DCP1B: variants seen among roughly 807,000 people sequenced by gnomAD.
The protein encoded by DCP1B is mRNA-decapping enzyme 1B.
DCP1B carries 47 observed loss-of-function variants against 60.5 expected under a neutral mutation model. The observed-to-expected ratio is 0.78, with a 90% CI of 0.61 to 0.99. The LOEUF (loss-of-function observed/expected upper bound fraction) is 0.99. DCP1B is among the 50% of genes least tolerant of loss of function. The pLI, the probability that DCP1B is intolerant of heterozygous loss-of-function variation, is 0.00. For missense variants in DCP1B, 725 were observed against 756.8 expected, an observed-to-expected ratio of 0.96 and a Z score of 0.49; for synonymous variants, 267 against 280.3, an observed-to-expected ratio of 0.95 and a Z score of 0.47.
chr12:1,972,816 G>T (rs1477062855), intron 3 of DCP1B, among the ~76,000 whole-genome samples: 2 of 152,082 alleles, frequency 1.3e-5, no homozygotes, highest in African/African-American at 4.8e-5. Context: ...AAGGGAGGGG[G>T]GAGATCAGTG....
At position 1,952,540 on chromosome 12, in the gene DCP1B, G is replaced by A; in HGVS notation, c.1400C>T (p.Ala467Val). Reference sequence around the variant, plus strand: ...AGCGGCCAAGGCTGGCCGGTTAGAGGCATGCAGCTGCTGCTCCTGCTGTAC... The same window carrying A: ...AGCGGCCAAGGCTGGCCGGTTAGAGACATGCAGCTGCTGCTCCTGCTGTAC... Reference protein sequence around the residue: ...QIVQQEQQLHASNRPALAAKF... With the variant: ...QIVQQEQQLHVSNRPALAAKF... Residue 467 changes from alanine to valine, a missense_variant, in exon 7 of 9, where the codon GCC becomes GTC. Ala to Val is a moderately conservative substitution (Grantham distance 64). Coordinates refer to ENST00000280665, the MANE Select transcript of DCP1B (RefSeq NM_152640.5). The A allele has an allele frequency of 6.2e-7, 1 of 1,614,208 alleles. No individual in the cohort carries two copies. Among genetic ancestry groups the A allele is most frequent in the Non-Finnish European group, 8.5e-7 (1 of 1,180,044 alleles).
chr12:1,957,142 T>C (rs1235699347), intron 5 of DCP1B, among the ~76,000 whole-genome samples: 1 of 152,208 alleles, frequency 6.6e-6, no homozygotes, highest in Non-Finnish European at 1.5e-5. Flanking sequence ...GTTGTTTAAT[T>C]TTGTATGCTT....
At chr12:1,960,767 C>T (rs2031093236) in intron 5 of DCP1B, among the ~76,000 whole-genome samples, 1 of 152,178 alleles carries the variant, frequency 6.6e-6, no homozygotes, top group Non-Finnish European at 1.5e-5. Context: ...TTATCCAACA[C>T]AAGCCAAATT....
chr12:1,987,263 T>C (rs769024788), intron 3 of DCP1B, among the ~76,000 whole-genome samples: 13 of 152,352 alleles, frequency 8.5e-5, no homozygotes, highest in Middle Eastern at 3.4e-3. Context: ...CATATGCTAG[T>C]GCTGTATTTC....
chr12:1,982,634 G>T (rs1168470960), intron 3 of DCP1B, among the ~76,000 whole-genome samples: 1 of 152,014 alleles, frequency 6.6e-6, no homozygotes, highest in African/African-American at 2.4e-5. Context: ...GGATGTTTGG[G>T]TTATTCCCAC....
intron 3 of DCP1B, among the ~76,000 whole-genome samples, chr12:1,970,159 G>A (rs4765868): frequency 6.6e-6 from 1 of 151,954 alleles, no homozygotes; most frequent in Non-Finnish European, 1.5e-5. Flanking sequence ...CAGTTTGACA[G>A]TGTCATCACC....
chr12:1,961,534 T>C (rs1360389245), intron 5 of DCP1B: 1 of 152,262 alleles, frequency 6.6e-6, no homozygotes, highest in Non-Finnish European at 1.5e-5. Flanking sequence ...GCACTTCATG[T>C]CAACATTATA....
intron 6 of DCP1B, 141 bp downstream of exon 6, chr12:1,955,290 CT>C: frequency 9.6e-7 from 1 of 1,046,780 alleles, no homozygotes; most frequent in Non-Finnish European, 1.3e-6. Flanking sequence ...ATGAAAAAAT[CT>C]GTATTCTGAA....
intron 5 of DCP1B, among the ~76,000 whole-genome samples, chr12:1,961,857 C>A (rs545340228): frequency 6.6e-6 from 1 of 152,012 alleles, no homozygotes; most frequent in Admixed American, 6.5e-5. Context: ...TCTCCAGAAC[C>A]GTATATGAGT....
At chr12:1,972,484 T>TA (rs568541883) in intron 3 of DCP1B, among the ~76,000 whole-genome samples, 83 of 151,916 alleles carry the variant, frequency 5.5e-4, no homozygotes, top group Non-Finnish European at 1.0e-3. Flanking sequence ...CCAAGATATT[T>TA]AAAAAAAACA....
intron 1 of DCP1B, among the ~76,000 whole-genome samples, chr12:2,001,244 T>A (rs537731423): frequency 9.2e-5 from 14 of 152,190 alleles, no homozygotes; most frequent in African/African-American, 3.4e-4. Context: ...CTGAGCAAAG[T>A]CCAGGGTTAG....
chr12:1,991,179 G>A (rs779454774), intron 3 of DCP1B: 16 of 456,014 alleles, frequency 3.5e-5, no homozygotes, highest in East Asian at 6.9e-5. Context: ...AAAAAGCAAC[G>A]GAAGTGAAAT....
intron 3 of DCP1B, among the ~76,000 whole-genome samples, chr12:1,984,778 T>TTA (rs1230989393): frequency 1.1e-4 from 9 of 81,348 alleles, no homozygotes; most frequent in Non-Finnish European, 1.6e-4. Flanking sequence ...GGTCTTCTGG[T>TTA]AAAAAAAAAA....
At chr12:1,987,047 T>C (rs576933208) in intron 3 of DCP1B, among the ~76,000 whole-genome samples, 10 of 152,148 alleles carry the variant, frequency 6.6e-5, no homozygotes, top group Non-Finnish European at 1.5e-4. Flanking sequence ...ACTCCAGAAT[T>C]AAGAAACATG....
chr12:1,955,633 ACTT>A (rs1346984076), intron 5 of DCP1B, 73 bp from the exon 6 acceptor site: 1 of 1,499,384 alleles, frequency 6.7e-7, no homozygotes, highest in African/African-American at 1.4e-5. Context: ...CTACCTTTTT[ACTT>A]CTTATCTAAT....
chr12:1,955,349 G>A, intron 6 of DCP1B, 83 bp downstream of exon 6: 1 of 1,448,960 alleles, frequency 6.9e-7, no homozygotes, highest in Non-Finnish European at 9.2e-7. Context: ...ACAACACCAG[G>A]CCCTCCCCTG....
chr12:1,975,344 G>A (rs2033993258), intron 3 of DCP1B, among the ~76,000 whole-genome samples: 2 of 146,028 alleles, frequency 1.4e-5, no homozygotes, highest in South Asian at 2.1e-4. Context: ...TTTTCCTTCT[G>A]TGGGTTAAGC....
rs767111810 is a variant in DCP1B at position 1,952,598 on chromosome 12, A to G, written c.1342T>C (p.Ser448Pro). ...AGCTTCTTCAGTAACTCTTGAGGGG[A>G]GATCACTCCAGAGCTGCCAGTCTGA... is the stretch of plus-strand genomic sequence containing the variant. ...GSQTGSSGVI[S>P]PQELLKKLQI... The change falls in exon 7 of 9, where the codon TCC (serine) becomes CCC (proline). Residue 448 changes from serine (S) to proline (P), a missense_variant. By Grantham distance (74) the Ser-to-Pro change is moderately conservative. Transcript: ENST00000280665. 6.2e-7 allele frequency: 1 copy of G among 1,614,042 alleles called. No homozygotes were observed.
intron 3 of DCP1B, among the ~76,000 whole-genome samples, chr12:1,981,789 G>T (rs1414347596): frequency 6.6e-6 from 1 of 152,188 alleles, no homozygotes; most frequent in Non-Finnish European, 1.5e-5. Flanking sequence ...ATCCAGGGAG[G>T]TAAAGTTCCA....
Sources: gnomAD v4.1 joint callset for allele counts (sites outside exome capture counted in the v4.1 genomes callset) on GRCh38, gnomAD v4.1.1 for gene constraint, MANE v1.5 for transcripts, NCBI Gene and HGNC (gene_info 2026-07-23, HGNC 2026-07-21) for gene names.